The following AGAP1 variants were observed in gnomAD, a reference collection of about 807,000 sequenced individuals.
AGAP1 encodes ArfGAP with GTPase domain, ankyrin repeat and PH domain 1.
In AGAP1, 29 loss-of-function variants were observed where a neutral mutation model predicts 105.3. The ratio of observed to expected loss-of-function variants is 0.28; its 90% CI spans 0.21 to 0.38. AGAP1 has a LOEUF of 0.38. Among genes scored for constraint, AGAP1 ranks in the 10% least tolerant of loss-of-function variants. AGAP1 has a pLI of 1.00. For synonymous variants in AGAP1, 509 were observed against 485.9 expected (o/e 1.05, Z -0.63); for missense variants, 998 against 1,165.1 (o/e 0.86, Z 2.09).
intron 1 of AGAP1, among the ~76,000 whole-genome samples, chr2:235,651,184 C>CAAAAAAAAAAAAAAAAAAAAAAAAAAA (rs55990003): frequency 9.2e-5 from 5 of 54,112 alleles, no homozygotes; most frequent in Non-Finnish European, 1.1e-4. Context: ...AACTCCATCT[C>CAAAAAAAAAAAAAAAAAAAAAAAAAAA]AAAAAAAAAA....
At chr2:236,031,112 AAAATCCAAAAC>A (rs1339497059) in intron 13 of AGAP1, among the ~76,000 whole-genome samples, 1 of 152,240 alleles carries the variant, frequency 6.6e-6, no homozygotes, top group African/African-American at 2.4e-5. Context: ...CAGGCATTTT[AAAATCCAAAAC>A]TGATTAGATA....
intron 8 of AGAP1, among the ~76,000 whole-genome samples, chr2:235,803,195 GGTGGTA>G (rs1456530219): frequency 5.7e-5 from 8 of 141,242 alleles, no homozygotes; most frequent in African/African-American, 2.0e-4. Flanking sequence ...TGATGGTTGT[GGTGGTA>G]GTGGTGGTGG....
rs942223525 is a variant in AGAP1, at chr2:235,953,601, T to G, written c.1484-14861T>G. Among the ~76,000 whole-genome samples, 6 of 152,198 alleles carry G rather than the reference T, an allele frequency of 3.9e-5. No homozygotes were observed. Among genetic ancestry groups the G allele is most frequent in the African/African-American group, 1.4e-4 (6 of 41,452 alleles). On this transcript the variant is annotated intron_variant, in intron 12 of 17. Transcript: ENST00000304032. This position sits in a 1 kb window ranked among gnomAD's most constrained non-coding sequence, Gnocchi z 5.2. ...AACTCCCTGTCTTGACAGACTTGATTACGGAGCACCTATTTTGTGCATGGT... is the reference window on the plus strand; with the variant it reads ...AACTCCCTGTCTTGACAGACTTGATGACGGAGCACCTATTTTGTGCATGGT...
intron 6 of AGAP1, among the ~76,000 whole-genome samples, chr2:235,760,620 C>A (rs1472529287): frequency 6.6e-6 from 1 of 152,174 alleles, no homozygotes; most frequent in East Asian, 1.9e-4. Flanking sequence ...GGATCTCGAT[C>A]TGTCACACAG....
intron 1 of AGAP1, among the ~76,000 whole-genome samples, chr2:235,495,807 T>A (rs1559200481): frequency 6.6e-6 from 1 of 152,230 alleles, no homozygotes; most frequent in Non-Finnish European, 1.5e-5. Flanking sequence ...GTGGACAGTG[T>A]GGAGTCATAT....
intron 13 of AGAP1, among the ~76,000 whole-genome samples, chr2:235,999,385 T>G (rs1349520516): frequency 6.8e-6 from 1 of 146,714 alleles, no homozygotes; most frequent in Admixed American, 6.8e-5. Flanking sequence ...TATGGTATGG[T>G]GGTGATGATG....
rs1394026320 is a variant in AGAP1 at position 235,733,673 on chromosome 2, G to C, written c.311-7290G>C. 6.6e-6 allele frequency among the ~76,000 whole-genome samples: 1 copy of C among 152,136 alleles called. No homozygotes were observed. The highest frequency in any genetic ancestry group is 2.4e-5 in the African/African-American group (1 of 41,416). On this transcript the variant is annotated intron_variant, in intron 3 of 17. Transcript: ENST00000304032. This position sits in a 1 kb window ranked among gnomAD's most constrained non-coding sequence, Gnocchi z 5.0. The stretch of plus-strand genomic sequence containing the variant: ...AGATCTCGGTTAAATGAAACCATGA[G>C]AGACCGTGGCCTGCCCAAGGAAATC...
chr2:235,831,092 C>G (rs529418538), intron 9 of AGAP1, among the ~76,000 whole-genome samples: 4 of 152,034 alleles, frequency 2.6e-5, no homozygotes, highest in East Asian at 3.9e-4. Flanking sequence ...GTACCAGCAC[C>G]TGCTGGCTGC....
chr2:235,975,676 G>A (rs2054830672), intron 13 of AGAP1, among the ~76,000 whole-genome samples: 1 of 152,122 alleles, frequency 6.6e-6, no homozygotes, highest in African/African-American at 2.4e-5. Flanking sequence ...CTTTCACATT[G>A]AATTCTGTGT....
At chr2:235,999,052 GATA>G (rs1312541991) in intron 13 of AGAP1, among the ~76,000 whole-genome samples, 1 of 150,802 alleles carries the variant, frequency 6.6e-6, no homozygotes, top group African/African-American at 2.4e-5. Context: ...TGGCAAGAAT[GATA>G]ATGATGGTAT....
At chr2:235,717,421 G>T in intron 2 of AGAP1, 136 bp from the exon 3 acceptor site, 1 of 606,098 alleles carries the variant, frequency 1.6e-6, no homozygotes. Context: ...TATTGAATGA[G>T]CTTGTTTTTG....
rs2149231094 is a variant in AGAP1, at chr2:235,599,420, C to G, written c.163+104571C>G. ...GCTGCAGGGTGAGCTCTGGGCGACCCAGGAGGAAGTATTTGCATGAATTAG... is the reference window on the plus strand; with the variant it reads ...GCTGCAGGGTGAGCTCTGGGCGACCGAGGAGGAAGTATTTGCATGAATTAG... On this transcript the variant is annotated intron_variant, in intron 1 of 17. Coordinates refer to ENST00000304032, the MANE Select transcript of AGAP1 (RefSeq NM_001037131.3). This position sits in a 1 kb window ranked among gnomAD's most constrained non-coding sequence, Gnocchi z 5.3. Among the ~76,000 whole-genome samples the G allele has an allele frequency of 6.6e-6, 1 of 152,154 alleles. No homozygotes were observed. Among genetic ancestry groups the G allele is most frequent in the Middle Eastern group, 3.4e-3 (1 of 292 alleles).
chr2:235,591,233 C>T (rs889331136), intron 1 of AGAP1, among the ~76,000 whole-genome samples: 8 of 152,150 alleles, frequency 5.3e-5, no homozygotes, highest in African/African-American at 1.4e-4. Context: ...CCAGGCTGGT[C>T]TTGAACTCCT....
chr2:235,812,960 T>C (rs1419156144), intron 9 of AGAP1, among the ~76,000 whole-genome samples: 1 of 152,206 alleles, frequency 6.6e-6, no homozygotes, highest in African/African-American at 2.4e-5. Context: ...CTCACTTGGG[T>C]GAACAACTCC....
intron 1 of AGAP1, among the ~76,000 whole-genome samples, chr2:235,684,532 C>T (rs1949276364): frequency 6.6e-6 from 1 of 152,194 alleles, no homozygotes; most frequent in African/African-American, 2.4e-5. Context: ...TTGCCAGCTG[C>T]TTCTGGACTG....
chr2:235,838,707 A>G (rs1045646337), intron 9 of AGAP1, among the ~76,000 whole-genome samples: 1 of 152,240 alleles, frequency 6.6e-6, no homozygotes, highest in Non-Finnish European at 1.5e-5. Flanking sequence ...CTAGGTATGC[A>G]CTAGAATGTG....
rs1038470702 is a variant in AGAP1 at position 235,734,556 on chromosome 2, A to G, written c.311-6407A>G. On this transcript the variant is annotated intron_variant, in intron 3 of 17. Coordinates refer to ENST00000304032, the MANE Select transcript of AGAP1 (RefSeq NM_001037131.3). The surrounding 1 kb of genome is among the most constrained non-coding windows in gnomAD (Gnocchi z 5.3). The stretch of plus-strand genomic sequence containing the variant: ...AAAAAAAAAGAATAGTAAAAATTAA[A>G]AACCCTTTAAAAAGATAAAAATCAA... Among the ~76,000 whole-genome samples the G allele has an allele frequency of 6.6e-6, 1 of 152,220 alleles. No homozygotes were observed. Among genetic ancestry groups the G allele is most frequent in the Non-Finnish European group, 1.5e-5 (1 of 68,036 alleles).
At chr2:235,684,503 G>A (rs1276831283) in intron 1 of AGAP1, among the ~76,000 whole-genome samples, 1 of 152,244 alleles carries the variant, frequency 6.6e-6, no homozygotes, top group African/African-American at 2.4e-5. Context: ...TGGGTGCTCA[G>A]AGGCTTCCTT....
At position 235,507,772 on chromosome 2, in the gene AGAP1, C is replaced by T. The variant is rs73116476; in HGVS notation, c.163+12923C>T. Among the ~76,000 whole-genome samples, 455 of 152,192 alleles carry T rather than the reference C, an allele frequency of 3.0e-3. 2 individuals are homozygous for T. Among genetic ancestry groups the T allele is most frequent in the African/African-American group, 0.011 (436 of 41,512 alleles). ...AGAGTCAGGATTCGAACTCGGGACC[C>T]GTGGACACCAGCCACCTATGGGCCT... On this transcript the variant is annotated intron_variant, in intron 1 of 17. Coordinates refer to ENST00000304032, the MANE Select transcript of AGAP1 (RefSeq NM_001037131.3).
Sources: gnomAD v4.1 joint callset for allele counts (sites outside exome capture counted in the v4.1 genomes callset) on GRCh38, gnomAD v4.1.1 for gene constraint, Gnocchi (gnomAD v3.1) non-coding constraint, MANE v1.5 for transcripts, NCBI Gene and HGNC (gene_info 2026-07-23, HGNC 2026-07-21) for gene names.